The following LAMA2 variants were observed in gnomAD, a reference collection of about 807,000 sequenced individuals.
The protein encoded by LAMA2 is laminin subunit alpha-2.
A neutral mutation model predicts 364.8 loss-of-function variants in LAMA2; 269 were observed. That is an observed-to-expected ratio of 0.74 (90% CI 0.67 to 0.82). The LOEUF (loss-of-function observed/expected upper bound fraction) is 0.82, where lower values mean the gene tolerates loss of function less well. Among genes scored for constraint, LAMA2 ranks in the 40% least tolerant of loss-of-function variants. The pLI is 0.00. For missense variants in LAMA2, 3,807 were observed against 3,873.2 expected, an observed-to-expected ratio of 0.98 and a Z score of 0.45; for synonymous variants, 1,379 against 1,370.6, an observed-to-expected ratio of 1.01 and a Z score of -0.14.
chr6:128,963,734 T>G (rs547406733), intron 1 of LAMA2, among the ~76,000 whole-genome samples: 308 of 152,162 alleles, frequency 2.0e-3, no homozygotes, highest in African/African-American at 6.9e-3. Flanking sequence ...GGCCAAAACG[T>G]CCACAAATTA....
Position 129,059,847 on chromosome 6 carries a change from A to G in LAMA2, c.347A>G (p.Lys116Arg). ...KNTWWQSPSI[K>R]NGIEYHYVTI... Reference sequence around the variant, plus strand: ...ACTTGGTGGCAGAGTCCCAGTATTAAGAATGGAATCGAATACCATTATGTG... The same window carrying G: ...ACTTGGTGGCAGAGTCCCAGTATTAGGAATGGAATCGAATACCATTATGTG... Residue 116 changes from lysine to arginine, a missense_variant, in exon 3 of 65, where the codon AAG becomes AGG. By Grantham distance (26) the Lys-to-Arg change is conservative. Coordinates refer to ENST00000421865, the MANE Select transcript of LAMA2 (RefSeq NM_000426.4). 1 of 1,609,696 alleles carries G rather than the reference A, an allele frequency of 6.2e-7. No individual in the cohort carries two copies.
chr6:128,892,350 A>G (rs1223366712), intron 1 of LAMA2, among the ~76,000 whole-genome samples: 1 of 152,004 alleles, frequency 6.6e-6, no homozygotes, highest in Non-Finnish European at 1.5e-5. Flanking sequence ...TAAAACAGGC[A>G]ACATGATGGA....
At chr6:129,156,786 G>C (rs980840892) in intron 8 of LAMA2, among the ~76,000 whole-genome samples, 1 of 152,034 alleles carries the variant, frequency 6.6e-6, no homozygotes, top group African/African-American at 2.4e-5. Flanking sequence ...TTTGGCCTTG[G>C]CATCAGCTTT....
chr6:128,904,210 C>T (rs970134485), intron 1 of LAMA2, among the ~76,000 whole-genome samples: 1 of 152,152 alleles, frequency 6.6e-6, no homozygotes, highest in Admixed American at 6.5e-5. Context: ...CCTCAAAAGA[C>T]AGCTTTCTGA....
At chr6:128,927,330 G>A (rs1318961959) in intron 1 of LAMA2, among the ~76,000 whole-genome samples, 1 of 152,084 alleles carries the variant, frequency 6.6e-6, no homozygotes, top group Non-Finnish European at 1.5e-5. Context: ...TACATTCAGT[G>A]TACTCCAATA....
At chr6:129,055,281 T>A (rs531743214) in intron 2 of LAMA2, among the ~76,000 whole-genome samples, 1 of 151,710 alleles carries the variant, frequency 6.6e-6, no homozygotes, top group South Asian at 2.1e-4. Context: ...AACCTTCGCC[T>A]CCCAGGTTCA....
At chr6:129,026,727 C>A (rs1195748742) in intron 1 of LAMA2, among the ~76,000 whole-genome samples, 1 of 152,138 alleles carries the variant, frequency 6.6e-6, no homozygotes, top group African/African-American at 2.4e-5. Context: ...CAGATTCCAG[C>A]AGATGCTGAT....
intron 1 of LAMA2, among the ~76,000 whole-genome samples, chr6:128,987,657 C>T (rs1783349012): frequency 6.6e-6 from 1 of 152,028 alleles, no homozygotes; most frequent in Admixed American, 6.5e-5. Context: ...TTGATTGGGG[C>T]AGAGAAAATG....
At chr6:129,021,734 T>C (rs750646301) in intron 1 of LAMA2, among the ~76,000 whole-genome samples, 3 of 152,100 alleles carry the variant, frequency 2.0e-5, no homozygotes, top group Non-Finnish European at 4.4e-5. Context: ...TAAGGACTTG[T>C]GGGTAAGGAA....
intron 29 of LAMA2, among the ~76,000 whole-genome samples, chr6:129,331,620 C>T (rs949443922): frequency 6.6e-5 from 10 of 152,034 alleles, no homozygotes; most frequent in Non-Finnish European, 1.3e-4. Flanking sequence ...GATGACATCA[C>T]TCTGGCTAAT....
At chr6:129,091,827 A>G (rs1562231412) in intron 3 of LAMA2, among the ~76,000 whole-genome samples, 1 of 152,230 alleles carries the variant, frequency 6.6e-6, no homozygotes, top group Non-Finnish European at 1.5e-5. Context: ...TTAAAACATC[A>G]TTTAAAAATT....
At chr6:128,888,854 A>G (rs1776291598) in intron 1 of LAMA2, among the ~76,000 whole-genome samples, 1 of 152,192 alleles carries the variant, frequency 6.6e-6, no homozygotes, top group African/African-American at 2.4e-5. Flanking sequence ...TTTTGTCTCA[A>G]ATACGCACTA....
chr6:129,494,253 G>C (rs1282244607), intron 58 of LAMA2, among the ~76,000 whole-genome samples: 2 of 152,158 alleles, frequency 1.3e-5, no homozygotes, highest in African/African-American at 4.8e-5. Flanking sequence ...CTCTTCCTTA[G>C]TGTCCACGAT....
chr6:129,481,828 A>C (rs1784363654), intron 55 of LAMA2, among the ~76,000 whole-genome samples: 1 of 152,186 alleles, frequency 6.6e-6, no homozygotes, highest in African/African-American at 2.4e-5. Context: ...TTAAATGTAA[A>C]TTCCTCTAAG....
chr6:128,990,924 C>T (rs556847382), intron 1 of LAMA2, among the ~76,000 whole-genome samples: 9 of 151,966 alleles, frequency 5.9e-5, no homozygotes, highest in African/African-American at 9.7e-5. Flanking sequence ...TTAAAAGAAC[C>T]GCTCTACAGA....
rs888134671 is a variant in LAMA2 at position 129,181,061 on chromosome 6, C to T, written c.1467+3195C>T. Among the ~76,000 whole-genome samples the T allele has an allele frequency of 5.9e-5, 9 of 152,188 alleles. No homozygotes were observed. In the East Asian group the frequency reaches 1.7e-3, roughly 29 times the overall value. On this transcript the variant is annotated intron_variant, in intron 10 of 64. Coordinates refer to ENST00000421865, the MANE Select transcript of LAMA2 (RefSeq NM_000426.4). ...AGCTAGAAAATTTTTCTCTTAGGGGCTCTGGGTGGGTAAAAGTTACTACCT... is the reference window on the plus strand; with the variant it reads ...AGCTAGAAAATTTTTCTCTTAGGGGTTCTGGGTGGGTAAAAGTTACTACCT...
rs994993577 is a variant in LAMA2, at chr6:129,172,401, A to C, written c.1307-5305A>C. ...TTAGTTTTCCTTCTAACAGACAGGA[A>C]CCTCAGCTGCAGGTCTGTTGCAATA... On this transcript the variant is annotated intron_variant, in intron 9 of 64. Coordinates refer to ENST00000421865, the MANE Select transcript of LAMA2 (RefSeq NM_000426.4). Among the ~76,000 whole-genome samples the C allele has an allele frequency of 8.0e-3, 1,213 of 152,012 alleles. 7 individuals carry two copies. The highest frequency in any genetic ancestry group is 0.012 in the Non-Finnish European group (817 of 67,918).
chr6:129,010,678 G>A (rs1396917209), intron 1 of LAMA2, among the ~76,000 whole-genome samples: 1 of 152,208 alleles, frequency 6.6e-6, no homozygotes, highest in African/African-American at 2.4e-5. Flanking sequence ...AGTGGGGAGA[G>A]AAATGTAGTT....
chr6:129,472,218 A>G (rs6899741), intron 51 of LAMA2, among the ~76,000 whole-genome samples: 13,315 of 151,958 alleles, frequency 0.088, 1,596 homozygotes, highest in African/African-American at 0.28. Context: ...CATCCTAAAG[A>G]ATAAACATTT....
Sources: gnomAD v4.1 joint callset for allele counts (sites outside exome capture counted in the v4.1 genomes callset) on GRCh38, gnomAD v4.1.1 for gene constraint, MANE v1.5 for transcripts, NCBI Gene and HGNC (gene_info 2026-07-23, HGNC 2026-07-21) for gene names.